Variants in NPHP4 observed in about 807,000 individuals in gnomAD.
NPHP4 encodes nephrocystin-4.
Under a neutral mutation model 155.8 loss-of-function variants are expected in NPHP4, and 151 were observed. The observed-to-expected ratio is 0.97, with a 90% CI of 0.85 to 1.11. The LOEUF is 1.11. Ranked by LOEUF, NPHP4 falls within the 50% of genes least tolerant of loss-of-function variation. NPHP4 has a pLI of 0.00. For missense variants in NPHP4, 1,956 were observed against 1,925.7 expected, an observed-to-expected ratio of 1.02 and a Z score of -0.29; for synonymous variants, 845 against 816.8, an observed-to-expected ratio of 1.03 and a Z score of -0.59.
At chr1:5,872,403 G>C (rs149281580) in intron 23 of NPHP4, among the ~76,000 whole-genome samples, 2 of 152,190 alleles carry the variant, frequency 1.3e-5, no homozygotes, top group African/African-American at 4.8e-5. Flanking sequence ...TCCTCCCAAC[G>C]GTTTTGGCAA....
chr1:5,928,436 G>A (rs1348024603), intron 10 of NPHP4, among the ~76,000 whole-genome samples: 2 of 151,784 alleles, frequency 1.3e-5, no homozygotes, highest in African/African-American at 2.4e-5. Flanking sequence ...TTGTACGGAT[G>A]TACCAGTTTA....
intron 11 of NPHP4, among the ~76,000 whole-genome samples, chr1:5,920,253 G>A (rs1645675150): frequency 2.0e-5 from 3 of 151,888 alleles, no homozygotes; most frequent in South Asian, 2.1e-4. Context: ...TAGAGTCAGG[G>A]CCTTGCTATG....
At chr1:5,984,075 T>C (rs1046671205) in intron 2 of NPHP4, among the ~76,000 whole-genome samples, 2 of 152,182 alleles carry the variant, frequency 1.3e-5, no homozygotes, top group African/African-American at 2.4e-5. Context: ...GTGCCTATAA[T>C]AGCAAATGAC....
At chr1:5,868,324 A>G in intron 23 of NPHP4, 3 of 311,942 alleles carry the variant, frequency 9.6e-6, no homozygotes, top group Non-Finnish European at 1.9e-5. Context: ...CAAGCACGTC[A>G]GCACAAGCTC....
At chr1:5,883,198 GC>G (rs1455921000) in intron 18 of NPHP4, among the ~76,000 whole-genome samples, 2 of 152,218 alleles carry the variant, frequency 1.3e-5, no homozygotes, top group African/African-American at 4.8e-5. Context: ...AGGGACGGCA[GC>G]CTGAACCAGC....
At chr1:5,941,596 A>ACT (rs34345594) in intron 9 of NPHP4, among the ~76,000 whole-genome samples, 31,422 of 152,138 alleles carry the variant, frequency 0.21, 3,774 homozygotes, top group African/African-American at 0.33. Context: ...AAATGCAAAA[A>ACT]CTACAGAAAA....
intron 3 of NPHP4, among the ~76,000 whole-genome samples, chr1:5,972,799 A>G (rs1652818268): frequency 6.6e-6 from 1 of 152,120 alleles, no homozygotes. Flanking sequence ...TACATGAGGA[A>G]GCTCTTTAGT....
chr1:5,954,171 CAAG>C (rs1648743116), intron 6 of NPHP4, among the ~76,000 whole-genome samples: 1 of 152,026 alleles, frequency 6.6e-6, no homozygotes, highest in Non-Finnish European at 1.5e-5. Flanking sequence ...GATTTATGTG[CAAG>C]AATATTCATT....
chr1:5,963,677 AC>A (rs1570663235), intron 5 of NPHP4, among the ~76,000 whole-genome samples: 1 of 138,342 alleles, frequency 7.2e-6, no homozygotes, highest in African/African-American at 2.7e-5. Flanking sequence ...GGGGTTTCCA[AC>A]CTTTTCTTTT....
chr1:5,864,971 A>G (rs1217000433), intron 27 of NPHP4, 131 bp downstream of exon 27: 6 of 859,568 alleles, frequency 7.0e-6, no homozygotes, highest in Admixed American at 2.2e-5. Context: ...CTCTGGTAAC[A>G]GCGTCTGCGC....
rs757711149 is a variant in NPHP4, at chr1:5,933,321, C to G, written c.1128G>C (p.Ser376=). 1 of 1,612,244 alleles carries G rather than the reference C, an allele frequency of 6.2e-7. No homozygotes were observed. The highest frequency in any genetic ancestry group is 8.5e-7 in the Non-Finnish European group (1 of 1,179,622). Residue 376 remains serine, a synonymous_variant, in exon 10 of 30, where the codon TCG becomes TCC. Coordinates refer to ENST00000378156, the MANE Select transcript of NPHP4 (RefSeq NM_015102.5). The part of the protein sequence containing the change: ...SPAGVDGNAA[S]VTSLSNLACM... The stretch of plus-strand genomic sequence containing the variant: ...ATGCCAGGTTGGACAGAGAGGTGAC[C>G]GAAGCTGCCTAGAATTAAAACAAAG...
chr1:5,904,307 T>C (rs918225161), intron 16 of NPHP4, among the ~76,000 whole-genome samples: 3 of 152,242 alleles, frequency 2.0e-5, no homozygotes, highest in East Asian at 1.9e-4. Flanking sequence ...AGATGGGCTA[T>C]ACCCCTTAAG....
intron 3 of NPHP4, among the ~76,000 whole-genome samples, chr1:5,971,347 C>G (rs930678763): frequency 1.3e-5 from 2 of 152,240 alleles, no homozygotes; most frequent in Non-Finnish European, 2.9e-5. Context: ...TCAGAAGAGT[C>G]AGCCGCTCCA....
At chr1:5,936,462 C>T (rs767313274) in intron 9 of NPHP4, among the ~76,000 whole-genome samples, 3 of 152,174 alleles carry the variant, frequency 2.0e-5, no homozygotes, top group Non-Finnish European at 4.4e-5. Flanking sequence ...GAGATGACAT[C>T]CACTACTTCA....
chr1:5,969,041 AG>A (rs1396784682), intron 4 of NPHP4, 45 bp downstream of exon 4: 1 of 1,222,498 alleles, frequency 8.2e-7, no homozygotes. Flanking sequence ...AAAAAAAAAA[AG>A]ACAGACGCTG....
intron 16 of NPHP4, among the ~76,000 whole-genome samples, chr1:5,901,525 G>A (rs1331673667): frequency 1.3e-5 from 2 of 152,194 alleles, no homozygotes; most frequent in Non-Finnish European, 2.9e-5. Context: ...ATTTGATTTT[G>A]GAGTTTCATT....
chr1:5,947,728 G>A (rs1410362559), intron 8 of NPHP4, among the ~76,000 whole-genome samples: 2 of 152,156 alleles, frequency 1.3e-5, no homozygotes, highest in Admixed American at 6.5e-5. Flanking sequence ...AGAGCAGCAG[G>A]TCTTGCTGCC....
intron 1 of NPHP4, among the ~76,000 whole-genome samples, chr1:5,989,534 T>C (rs1655937527): frequency 6.6e-6 from 1 of 151,232 alleles, no homozygotes; most frequent in South Asian, 2.1e-4. Flanking sequence ...GCCTCATTCC[T>C]CCTGTGTTCT....
chr1:5,921,165 A>G (rs1429734345), intron 11 of NPHP4, among the ~76,000 whole-genome samples: 1 of 152,248 alleles, frequency 6.6e-6, no homozygotes, highest in African/African-American at 2.4e-5. Context: ...GTGTTCATTC[A>G]ACATGCCTTT....
Sources: allele counts gnomAD v4.1 joint callset (sites outside exome capture counted in the v4.1 genomes callset), GRCh38; gene constraint gnomAD v4.1.1; transcripts MANE v1.5; gene names NCBI Gene and HGNC (gene_info 2026-07-23, HGNC 2026-07-21).